Variants in PLXNB1 observed in about 807,000 individuals in gnomAD.
The protein encoded by PLXNB1 is plexin-B1.
Under a neutral mutation model 209.4 loss-of-function variants are expected in PLXNB1, and 106 were observed. The ratio of observed to expected loss-of-function variants is 0.51; its 90% CI spans 0.43 to 0.59. The LOEUF (loss-of-function observed/expected upper bound fraction) is 0.59. Ranked by LOEUF, PLXNB1 falls within the 20% of genes least tolerant of loss-of-function variation. The pLI, the probability that PLXNB1 is intolerant of heterozygous loss-of-function variation, is 0.00. For missense variants in PLXNB1, 2,357 were observed against 2,853.2 expected (o/e 0.83, Z 3.96); for synonymous variants, 1,167 against 1,183.2 (o/e 0.99, Z 0.28).
chr3:48,421,477 A>T, intron 7 of PLXNB1, 93 bp from the exon 8 acceptor site: 1 of 1,380,920 alleles, frequency 7.2e-7, no homozygotes, highest in Non-Finnish European at 9.9e-7. Flanking sequence ...AGGCACCAGC[A>T]ATCAACAGCC....
At chr3:48,404,781 C>T (rs1011697278) in intron 37 of PLXNB1, among the ~76,000 whole-genome samples, 191 bp from the exon 38 acceptor site, 4 of 152,076 alleles carry the variant, frequency 2.6e-5, no homozygotes, top group African/African-American at 4.8e-5. Flanking sequence ...AAAGTCACCG[C>T]GGGGTTCCAG....
chr3:48,417,764 CA>C lies in PLXNB1; in HGVS notation c.3374+146del. 1.1e-6 allele frequency: 1 copy of C among 872,626 alleles called. No individual in the cohort carries two copies. The highest frequency in any genetic ancestry group is 1.7e-6 in the Non-Finnish European group (1 of 573,630). 54.1% of individuals were successfully genotyped at this position (872,626 alleles called of 1,614,324 possible). ...GGTGGGTGCTCAGGGTCTTCAGTGG[CA>C]ACGCTGGCACTCGGGCATTGTGGCC... On this transcript the variant is annotated intron_variant, in intron 16 of 37. Coordinates refer to ENST00000296440, the MANE Select transcript of PLXNB1 (RefSeq NM_001130082.3). The surrounding 1 kb of genome is among the most constrained non-coding windows in gnomAD (Gnocchi z 4.4).
At position 48,410,649 on chromosome 3, in the gene PLXNB1, T is replaced by C; in HGVS notation, c.5417-91A>G. 1 of 1,135,794 alleles carries C rather than the reference T, an allele frequency of 8.8e-7. No individual in the cohort carries two copies. The highest frequency in any genetic ancestry group is 2.5e-5 in the East Asian group (1 of 40,712). 70.4% of individuals were successfully genotyped at this position (1,135,794 alleles called of 1,614,324 possible). The stretch of plus-strand genomic sequence containing the variant: ...CCTCCTCCACAGGGACACCAGCCCC[T>C]CCATCATGGGGCAGCCTTACTCAAC... On this transcript the variant is annotated intron_variant, in intron 29 of 37. Coordinates refer to ENST00000296440, the MANE Select transcript of PLXNB1 (RefSeq NM_001130082.3). This position sits in a 1 kb window ranked among gnomAD's most constrained non-coding sequence, Gnocchi z 6.4.
Position 48,405,848 on chromosome 3 carries a change from C to G in PLXNB1, c.6229-50G>C. 6.7e-7 allele frequency: 1 copy of G among 1,485,220 alleles called. No individual in the cohort carries two copies. 92.0% of individuals were successfully genotyped at this position (1,485,220 alleles called of 1,614,324 possible). On this transcript the variant is annotated intron_variant, in intron 36 of 37. Coordinates refer to ENST00000296440, the MANE Select transcript of PLXNB1 (RefSeq NM_001130082.3). The surrounding 1 kb of genome is among the most constrained non-coding windows in gnomAD (Gnocchi z 5.0). ...TGAGAGAGACGAGGGGTGCAGAGAG[C>G]CACAGGAGGCAGCCCAGGACCCCAG...
In PLXNB1 at chr3:48,406,566, AC is replaced by A; in HGVS notation, c.6228+256del. On this transcript the variant is annotated intron_variant, in intron 36 of 37. Transcript: ENST00000296440. This position sits in a 1 kb window ranked among gnomAD's most constrained non-coding sequence, Gnocchi z 4.4. ...GCAGGCCTGGGGCTGAATCCCAGCTACCTTGCAAGAGCCTGGCTGAATCAGG... is the reference window on the plus strand; with the variant it reads ...GCAGGCCTGGGGCTGAATCCCAGCTACTTGCAAGAGCCTGGCTGAATCAGG... The A allele has an allele frequency of 1.0e-6, 1 of 985,316 alleles. No homozygotes were observed. The highest frequency in any genetic ancestry group is 1.2e-6 in the Non-Finnish European group (1 of 829,872). 61.0% of individuals were successfully genotyped at this position (985,316 alleles called of 1,614,324 possible). A position where few individuals can be genotyped will look rare whatever the true frequency, so the allele number is the denominator to read the frequency against.
At position 48,405,360 on chromosome 3, in the gene PLXNB1, C is replaced by T. The variant is rs1011350038; in HGVS notation, c.6303+364G>A. 2.0e-5 allele frequency among the ~76,000 whole-genome samples: 3 copies of T among 152,204 alleles called. No individual in the cohort carries two copies. The highest frequency in any genetic ancestry group is 2.9e-5 in the Non-Finnish European group (2 of 68,030). ...GGCCCTGTGCCTGGACTCTCCTCTTCGCAGCTCATGCAGCCAAGCCAGGCC... is the reference window on the plus strand; with the variant it reads ...GGCCCTGTGCCTGGACTCTCCTCTTTGCAGCTCATGCAGCCAAGCCAGGCC... On this transcript the variant is annotated intron_variant, in intron 37 of 37. Coordinates refer to ENST00000296440, the MANE Select transcript of PLXNB1 (RefSeq NM_001130082.3). This position sits in a 1 kb window ranked among gnomAD's most constrained non-coding sequence, Gnocchi z 5.0.
In PLXNB1 at chr3:48,409,707, C is replaced by T. The variant is rs995999382; in HGVS notation, c.5803G>A (p.Asp1935Asn). ...GTGCTGAGAATCACCTGGAACAGGT[C>T]ATCCACGAACTTCTGCAGGGTGCCC... ...MKGTLQKFVD[D>N]LFQVILSTSR... The change falls in exon 33 of 38, where the codon GAC (aspartate) becomes AAC (asparagine). Residue 1935 changes from aspartate to asparagine, a missense_variant. By Grantham distance (23) the Asp-to-Asn change is conservative. Coordinates refer to ENST00000296440, the MANE Select transcript of PLXNB1 (RefSeq NM_001130082.3). This position sits in a 1 kb window ranked among gnomAD's most constrained non-coding sequence, Gnocchi z 5.8. 1 of 1,613,646 alleles carries T rather than the reference C, an allele frequency of 6.2e-7. No individual in the cohort carries two copies. Among genetic ancestry groups the T allele is most frequent in the Non-Finnish European group, 8.5e-7 (1 of 1,180,004 alleles).
chr3:48,413,156 G>A lies in PLXNB1; in HGVS notation c.4549C>T (p.Gln1517Ter), dbSNP rs1164148671. The change falls in exon 24 of 38, where the codon CAG becomes TAG. Residue 1517 changes from glutamine to a stop codon, truncating the protein, a stop_gained. Coordinates refer to ENST00000296440, the MANE Select transcript of PLXNB1 (RefSeq NM_001130082.3). LOFTEE classifies it high-confidence loss of function. This position sits in a 1 kb window ranked among gnomAD's most constrained non-coding sequence, Gnocchi z 5.4. ...IVLMYRRKSKQALRDYKKVQI... is the reference protein window; with the variant it reads ...IVLMYRRKSK ...ACCTTCTTATAGTCCCTCAGGGCCTGCTTGCTCTTCCTCCTGCTCAGCCCC... is the reference window on the plus strand; with the variant it reads ...ACCTTCTTATAGTCCCTCAGGGCCTACTTGCTCTTCCTCCTGCTCAGCCCC... The A allele has an allele frequency of 6.2e-7, 1 of 1,612,044 alleles. No homozygotes were observed. Among genetic ancestry groups the A allele is most frequent in the Admixed American group, 1.7e-5 (1 of 60,014 alleles).
In PLXNB1 at chr3:48,424,053, G is replaced by A. The variant is rs1175091336; in HGVS notation, c.559C>T (p.Arg187Trp). 6 of 1,588,440 alleles carry A rather than the reference G, an allele frequency of 3.8e-6. No homozygotes were observed. Among genetic ancestry groups the A allele is most frequent in the Non-Finnish European group, 4.3e-6 (5 of 1,166,662 alleles). Residue 187 changes from arginine (R) to tryptophan (W), a missense_variant, in exon 3 of 38, where the codon CGG becomes TGG. Physicochemically the swap from Arg to Trp is moderately radical, Grantham distance 101. This residue lies in a region of PLXNB1 where 404 missense variants were observed against 443.6 expected (regional missense o/e 0.91). Coordinates refer to ENST00000296440, the MANE Select transcript of PLXNB1 (RefSeq NM_001130082.3). ...TGGGGGTCGGGCGGCCACAGGGCCC[G>A]GGTTGTGATGGGTGGAATGCCACCC... ...VGGGIPPITT[R>W]ALWPPDPQAA... is the part of the protein sequence containing the mutation.
intron 2 of PLXNB1, 89 bp from the exon 3 acceptor site, chr3:48,424,706 C>T: frequency 7.5e-7 from 1 of 1,330,470 alleles, no homozygotes; most frequent in South Asian, 1.4e-5. Context: ...TGTGGCATTG[C>T]CAAGATGCTC....
intron 21 of PLXNB1, among the ~76,000 whole-genome samples, chr3:48,414,378 G>T (rs1212174430): frequency 6.6e-6 from 1 of 152,210 alleles, no homozygotes. Flanking sequence ...CCAGGGGGGT[G>T]ATGATGCTGT....
chr3:48,418,268 G>C lies in PLXNB1; in HGVS notation c.3145C>G (p.Pro1049Ala). 6.2e-7 allele frequency: 1 copy of C among 1,613,630 alleles called. No individual in the cohort carries two copies. The highest frequency in any genetic ancestry group is 8.5e-7 in the Non-Finnish European group (1 of 1,180,030). ...YGCVWCEGER[P>A]RCVTREACGE... ...CAGGCCTCCCGGGTCACACAACGTG[G>C]ACGCTCCCCCTCACACCACACACAG... Residue 1049 changes from proline (P) to alanine (A), a missense_variant, in exon 15 of 38, where the codon CCA becomes GCA. Transcript: ENST00000296440. This position sits in a 1 kb window ranked among gnomAD's most constrained non-coding sequence, Gnocchi z 6.6.
Position 48,415,407 on chromosome 3 carries a change from ACAGCCCAGTCCCGGCTAGGTCAGCT to A in PLXNB1, c.3795-85_3795-61del. ...GGCTTATGTTACCTGGACCTAAAGCACAGCCCAGTCCCGGCTAGGTCAGCTCAGCCCCAGCCCCAAACCACACGAC... is the reference window on the plus strand; with the variant it reads ...GGCTTATGTTACCTGGACCTAAAGCACAGCCCCAGCCCCAAACCACACGAC... On this transcript the variant is annotated intron_variant, in intron 19 of 37. Coordinates refer to ENST00000296440, the MANE Select transcript of PLXNB1 (RefSeq NM_001130082.3). This position sits in a 1 kb window ranked among gnomAD's most constrained non-coding sequence, Gnocchi z 5.0. The A allele has an allele frequency of 6.4e-7, 1 of 1,558,350 alleles. No individual in the cohort carries two copies. The highest frequency in any genetic ancestry group is 8.8e-7 in the Non-Finnish European group (1 of 1,142,288).
At position 48,410,766 on chromosome 3, in the gene PLXNB1, A is replaced by G; in HGVS notation, c.5416+102T>C. 1 of 1,232,062 alleles carries G rather than the reference A, an allele frequency of 8.1e-7. No individual in the cohort carries two copies. Among genetic ancestry groups the G allele is most frequent in the South Asian group, 1.5e-5 (1 of 68,598 alleles). The allele number at this position is 1,232,062 out of a possible 1,614,324, so 76.3% of individuals were successfully genotyped here. On this transcript the variant is annotated intron_variant, in intron 29 of 37. Coordinates refer to ENST00000296440, the MANE Select transcript of PLXNB1 (RefSeq NM_001130082.3). This position sits in a 1 kb window ranked among gnomAD's most constrained non-coding sequence, Gnocchi z 6.4. ...AGCCAGCTTCTGCCTGCCTCCCAGCATCCTCCCCACCCTGAGTGATGAGTT... is the reference window on the plus strand; with the variant it reads ...AGCCAGCTTCTGCCTGCCTCCCAGCGTCCTCCCCACCCTGAGTGATGAGTT...
At position 48,420,098 on chromosome 3, in the gene PLXNB1, G is replaced by C; in HGVS notation, c.2188C>G (p.Pro730Ala). ...GGCCCCCAGGGGCTGAGCAGGGAAG[G>C]ACTAGCCCCAGGTGAGATGTCCGAA... ...TASDISPGAS[P>A]SLLSPWGPWA... The change falls in exon 11 of 38, where the codon CCT becomes GCT. Residue 730 changes from proline to alanine, a missense_variant. By Grantham distance (27) the Pro-to-Ala change is conservative. Coordinates refer to ENST00000296440, the MANE Select transcript of PLXNB1 (RefSeq NM_001130082.3). The C allele has an allele frequency of 1.2e-6, 2 of 1,613,412 alleles. No individual in the cohort carries two copies. The highest frequency in any genetic ancestry group is 2.7e-5 in the African/African-American group (2 of 75,012).
chr3:48,423,803 C>G lies in PLXNB1; in HGVS notation c.809G>C (p.Gly270Ala). 6.2e-7 allele frequency: 1 copy of G among 1,613,960 alleles called. No homozygotes were observed. The highest frequency in any genetic ancestry group is 8.5e-7 in the Non-Finnish European group (1 of 1,179,990). The change falls in exon 3 of 38, where the codon GGT becomes GCT. Residue 270 changes from glycine (G) to alanine (A), a missense_variant. This residue lies in a region of PLXNB1 where 404 missense variants were observed against 443.6 expected (regional missense o/e 0.91). Coordinates refer to ENST00000296440, the MANE Select transcript of PLXNB1 (RefSeq NM_001130082.3). The part of the protein sequence containing the change: ...SYVELPLACE[G>A]GRYGLIQAAA... Reference sequence around the variant, plus strand: ...AGCCTGGATCAGCCCGTAGCGGCCACCTTCGCAGGCCAGAGGCAACTCCAC... The same window carrying G: ...AGCCTGGATCAGCCCGTAGCGGCCAGCTTCGCAGGCCAGAGGCAACTCCAC...
Position 48,421,453 on chromosome 3 carries a change from C to T in PLXNB1, c.1654-69G>A, listed in dbSNP as rs1575405609. The T allele has an allele frequency of 4.8e-6, 7 of 1,473,042 alleles. No individual in the cohort carries two copies. The East Asian group carries it at 1.4e-4, about 29-fold the overall frequency. The allele number at this position is 1,473,042 out of a possible 1,614,324, so 91.2% of individuals were successfully genotyped here. On this transcript the variant is annotated intron_variant, in intron 7 of 37. Transcript: ENST00000296440. The stretch of plus-strand genomic sequence containing the variant: ...CAGACCAGGGCTCACATTTATGGGA[C>T]ACCCAATGTGGGCAGGCACCAGCAA...
chr3:48,419,281 T>G lies in PLXNB1; in HGVS notation c.2795A>C (p.Glu932Ala). ...STLMPVHVER[E>A]IRLLGRNLHL... ...CAGGTTCCTGCCTAGCAGCCGGATTTCCCGCTCCACATGGACCGGCATCAA... is the reference window on the plus strand; with the variant it reads ...CAGGTTCCTGCCTAGCAGCCGGATTGCCCGCTCCACATGGACCGGCATCAA... The change falls in exon 12 of 38, where the codon GAA (glutamate) becomes GCA (alanine). Residue 932 changes from glutamate (E) to alanine (A), a missense_variant. Physicochemically the swap from Glu to Ala is moderately radical, Grantham distance 107 (BLOSUM62 -1). Around this residue, in one of 7 missense-constraint regions of PLXNB1, gnomAD observed 410 missense variants for 401.0 expected, o/e 1.02. Transcript: ENST00000296440. The surrounding 1 kb of genome is among the most constrained non-coding windows in gnomAD (Gnocchi z 5.7). 2 of 1,595,438 alleles carry G rather than the reference T, an allele frequency of 1.3e-6. No individual in the cohort carries two copies. Among genetic ancestry groups the G allele is most frequent in the Non-Finnish European group, 1.7e-6 (2 of 1,168,090 alleles).
chr3:48,406,580 T>C lies in PLXNB1; in HGVS notation c.6228+243A>G. The C allele has an allele frequency of 7.5e-7, 1 of 1,338,534 alleles. No individual in the cohort carries two copies. Among genetic ancestry groups the C allele is most frequent in the African/African-American group, 1.5e-5 (1 of 67,690 alleles). The allele number at this position is 1,338,534 out of a possible 1,614,324, so 82.9% of individuals were successfully genotyped here. On this transcript the variant is annotated intron_variant, in intron 36 of 37. Transcript: ENST00000296440. The surrounding 1 kb of genome is among the most constrained non-coding windows in gnomAD (Gnocchi z 4.4). Reference sequence around the variant, plus strand: ...GAATCCCAGCTACCTTGCAAGAGCCTGGCTGAATCAGGGTACATGGCAGCT... The same window carrying C: ...GAATCCCAGCTACCTTGCAAGAGCCCGGCTGAATCAGGGTACATGGCAGCT...
Sources: allele counts gnomAD v4.1 joint callset (sites outside exome capture counted in the v4.1 genomes callset), GRCh38; gene constraint gnomAD v4.1.1; regional missense constraint gnomAD v4.1.1; non-coding constraint Gnocchi (gnomAD v3.1); transcripts MANE v1.5; gene names NCBI Gene and HGNC (gene_info 2026-07-23, HGNC 2026-07-21).